ZNF853: variants seen among roughly 807,000 people sequenced by gnomAD.
ZNF853 encodes zinc finger protein 853.
A neutral mutation model predicts 94.7 loss-of-function variants in ZNF853; 57 were observed. The ratio of observed to expected loss-of-function variants is 0.60; its 90% CI spans 0.49 to 0.75. The LOEUF (loss-of-function observed/expected upper bound fraction) is 0.75, where lower values mean the gene tolerates loss of function less well. Ranked by LOEUF, ZNF853 falls within the 30% of genes least tolerant of loss-of-function variation. ZNF853 has a pLI of 0.00. For synonymous variants in ZNF853, 448 were observed against 406.3 expected (o/e 1.10, Z -1.23); for missense variants, 785 against 868.9 (o/e 0.90, Z 1.21).
chr7:6,621,848 TACA>T lies in ZNF853; in HGVS notation c.858_860del (p.Gln293del). 1 of 1,550,660 alleles carries T rather than the reference TACA, an allele frequency of 6.4e-7. No homozygotes were observed. The highest frequency in any genetic ancestry group is 8.7e-7 in the Non-Finnish European group (1 of 1,146,670). On this transcript the variant is annotated inframe_deletion, in exon 3 of 3. Coordinates refer to ENST00000457543, the MANE Select transcript of ZNF853 (RefSeq NM_017560.3). ...CTACTGCTGCAGCAGCAGGAACAGTTACAGCAGCAGCAGCAACAGCAGCTGTTG... is the reference window on the plus strand; with the variant it reads ...CTACTGCTGCAGCAGCAGGAACAGTTGCAGCAGCAGCAACAGCAGCTGTTG...
At position 6,622,900 on chromosome 7, in the gene ZNF853, G is replaced by GCGGCCCT. The variant is rs1375805501; in HGVS notation, c.1913_1919dup (p.Gly641ProfsTer41). The GCGGCCCT allele has an allele frequency of 8.0e-7, 1 of 1,254,600 alleles. No individual in the cohort carries two copies. Among genetic ancestry groups the GCGGCCCT allele is most frequent in the Non-Finnish European group, 1.0e-6 (1 of 1,000,514 alleles). The allele number at this position is 1,254,600 out of a possible 1,614,324, so 77.7% of individuals were successfully genotyped here. A position where few individuals can be genotyped will look rare whatever the true frequency, so the allele number is the denominator to read the frequency against. On this transcript the variant is annotated frameshift_variant, in exon 3 of 3. Coordinates refer to ENST00000457543, the MANE Select transcript of ZNF853 (RefSeq NM_017560.3). LOFTEE classifies it high-confidence loss of function. ...CGGCCTGCTGCGCGCCTCGCGGCCG[G>GCGGCCCT]CGGCCCTCGGTGGCCCAGCCCGCGC...
chr7:6,620,632 T>A lies in ZNF853; in HGVS notation c.131-490T>A. Among the ~76,000 whole-genome samples, 4 of 151,924 alleles carry A rather than the reference T, an allele frequency of 2.6e-5. No individual in the cohort carries two copies. In the East Asian group the frequency reaches 7.7e-4, roughly 29 times the overall value. On this transcript the variant is annotated intron_variant, in intron 2 of 2. Coordinates refer to ENST00000457543, the MANE Select transcript of ZNF853 (RefSeq NM_017560.3). ...TTCTCTCTCTCTCTTTCTCTCTCTC[T>A]CTCTTTTGAGATGGACTCTCCCTCT...
chr7:6,616,155 A>G lies in ZNF853; in HGVS notation c.-20A>G, dbSNP rs1232106090. ...TGCTGACCACACCTCCCTAGCGCAG[A>G]GGCTGCCCGGGAGCAGGAAATGCTC... On this transcript the variant is annotated 5_prime_UTR_variant, in exon 1 of 3. Transcript: ENST00000457543. 3.2e-6 allele frequency: 5 copies of G among 1,547,306 alleles called. 1 individual carries two copies. Among genetic ancestry groups the G allele is most frequent in the Middle Eastern group, 3.3e-4 (2 of 5,986 alleles).
chr7:6,620,407 G>A lies in ZNF853; in HGVS notation c.131-715G>A. Among the ~76,000 whole-genome samples the A allele has an allele frequency of 7.2e-5, 11 of 152,236 alleles. No individual in the cohort carries two copies. In the South Asian group the frequency reaches 2.1e-3, roughly 29 times the overall value. On this transcript the variant is annotated intron_variant, in intron 2 of 2. Coordinates refer to ENST00000457543, the MANE Select transcript of ZNF853 (RefSeq NM_017560.3). Reference sequence around the variant, plus strand: ...GGTTTCTACTGGAGGGTGATTAAGCGCAAGAGACTTCTCAGGATGGTCAGG... The same window carrying A: ...GGTTTCTACTGGAGGGTGATTAAGCACAAGAGACTTCTCAGGATGGTCAGG...
Position 6,617,300 on chromosome 7 carries a change from C to A in ZNF853, c.123C>A (p.Thr41=). 6.7e-7 allele frequency: 1 copy of A among 1,482,576 alleles called. No individual in the cohort carries two copies. 91.8% of individuals were successfully genotyped at this position (1,482,576 alleles called of 1,614,324 possible). ...AGGATGGGGGCCCAGGGCCTGACAC[C>A]CTCTCAGGTGAGGGCCTCGGGGGAT... ...CLEDGGPGPD[T]LSGGSGGSES... is the part of the protein sequence containing the mutation. Residue 41 remains threonine, a synonymous_variant, in exon 2 of 3, where the codon ACC becomes ACA. Transcript: ENST00000457543.
chr7:6,616,008 G>C lies in ZNF853; in HGVS notation c.-167G>C. 1 of 600,796 alleles carries C rather than the reference G, an allele frequency of 1.7e-6. No homozygotes were observed. 37.2% of individuals were successfully genotyped at this position (600,796 alleles called of 1,614,324 possible). A position where few individuals can be genotyped will look rare whatever the true frequency, so the allele number is the denominator to read the frequency against. On this transcript the variant is annotated 5_prime_UTR_variant, in exon 1 of 3. Transcript: ENST00000457543. ...CAGGGCGACCTCGGCAGCCCAGAGG[G>C]CGTGGACCCTCCGGAGTGCCCAGAA...
chr7:6,622,293 G>A lies in ZNF853; in HGVS notation c.1302G>A (p.Val434=). 1 of 1,506,602 alleles carries A rather than the reference G, an allele frequency of 6.6e-7. No individual in the cohort carries two copies. Among genetic ancestry groups the A allele is most frequent in the Non-Finnish European group, 8.8e-7 (1 of 1,134,070 alleles). The allele number at this position is 1,506,602 out of a possible 1,614,324, so 93.3% of individuals were successfully genotyped here. ...TCCCGGGGGCTCCGGCCGCGGTCGT[G>A]GTGGCTCCCCCGGGCTACGTGGTGG... The part of the protein sequence containing the change: ...AAVPGAPAAV[V]VAPPGYVVVQ... Residue 434 remains valine (V), a synonymous_variant, in exon 3 of 3, where the codon GTG becomes GTA. Coordinates refer to ENST00000457543, the MANE Select transcript of ZNF853 (RefSeq NM_017560.3).
chr7:6,617,441 C>G, intron 2 of ZNF853, 134 bp downstream of exon 2: 29 of 931,146 alleles, frequency 3.1e-5, no homozygotes, highest in Non-Finnish European at 4.1e-5. Context: ...ACCAGCAGCT[C>G]TCCCTTGAGA....
intron 2 of ZNF853, among the ~76,000 whole-genome samples, chr7:6,620,339 A>G: frequency 6.6e-6 from 1 of 152,212 alleles, no homozygotes; most frequent in Non-Finnish European, 1.5e-5. Flanking sequence ...GTCGGAGTTC[A>G]GCATGGGGTT....
rs1583429319 is a variant in ZNF853 at position 6,621,492 on chromosome 7, A to G, written c.501A>G (p.Gln167=). The G allele has an allele frequency of 6.4e-7, 1 of 1,551,822 alleles. No homozygotes were observed. The highest frequency in any genetic ancestry group is 8.7e-7 in the Non-Finnish European group (1 of 1,147,008). Residue 167 remains glutamine, a synonymous_variant, in exon 3 of 3, where the codon CAA becomes CAG. Transcript: ENST00000457543. Reference sequence around the variant, plus strand: ...TACAGCCACAGCAAGTGCAAGAGCAACAGCGGTTGCAGCAGCAGCAGGAGC... The same window carrying G: ...TACAGCCACAGCAAGTGCAAGAGCAGCAGCGGTTGCAGCAGCAGCAGGAGC... ...QQLQPQQVQE[Q]QRLQQQQEQL...
Position 6,617,318 on chromosome 7 carries a change from C to G in ZNF853, c.130+11C>G. The G allele has an allele frequency of 6.9e-7, 1 of 1,441,566 alleles. No individual in the cohort carries two copies. Among genetic ancestry groups the G allele is most frequent in the Non-Finnish European group, 9.2e-7 (1 of 1,088,070 alleles). 89.3% of individuals were successfully genotyped at this position (1,441,566 alleles called of 1,614,324 possible). A position where few individuals can be genotyped will look rare whatever the true frequency, so the allele number is the denominator to read the frequency against. ...CTGACACCCTCTCAGGTGAGGGCCTCGGGGGATCCCTTGACAGAGCCTCAT... is the reference window on the plus strand; with the variant it reads ...CTGACACCCTCTCAGGTGAGGGCCTGGGGGGATCCCTTGACAGAGCCTCAT... On this transcript the variant is annotated intron_variant, in intron 2 of 2. Coordinates refer to ENST00000457543, the MANE Select transcript of ZNF853 (RefSeq NM_017560.3).
intron 2 of ZNF853, among the ~76,000 whole-genome samples, chr7:6,618,948 G>C: frequency 0.031 from 4,755 of 151,744 alleles, 105 homozygotes; most frequent in Non-Finnish European, 0.049. Flanking sequence ...TGAAAAGCAC[G>C]CTCACGGATC....
At position 6,621,285 on chromosome 7, in the gene ZNF853, C is replaced by A. The variant is rs373232495; in HGVS notation, c.294C>A (p.Pro98=). ...ELQLQQLEQQ[P]EPQQQPQHEQ... ...AACTGCAGCAGTTAGAACAGCAGCC[C>A]GAGCCGCAGCAACAGCCGCAACACG... is the stretch of plus-strand genomic sequence containing the variant. The change falls in exon 3 of 3, where the codon CCC becomes CCA. Residue 98 remains proline (P), a synonymous_variant. Coordinates refer to ENST00000457543, the MANE Select transcript of ZNF853 (RefSeq NM_017560.3). 1 of 1,550,682 alleles carries A rather than the reference C, an allele frequency of 6.4e-7. No homozygotes were observed. Among genetic ancestry groups the A allele is most frequent in the South Asian group, 1.2e-5 (1 of 83,986 alleles).
Position 6,615,652 on chromosome 7 carries a change from CG to C in ZNF853, c.-520del, listed in dbSNP as rs1455889910. ...CGGCCCGCACGGACGCACTCCCGGG[CG>C]GGCGGGCGAGCCCAGGGGGACCCGG... On this transcript the variant is annotated 5_prime_UTR_variant, in exon 1 of 3. Coordinates refer to ENST00000457543, the MANE Select transcript of ZNF853 (RefSeq NM_017560.3). This position sits in a 1 kb window ranked among gnomAD's most constrained non-coding sequence, Gnocchi z 8.5. 7.7e-5 allele frequency: 11 copies of C among 143,328 alleles called. No homozygotes were observed. The highest frequency in any genetic ancestry group is 1.5e-4 in the Non-Finnish European group (10 of 64,972). The allele number at this position is 143,328 out of a possible 1,614,324, so 8.9% of individuals were successfully genotyped here.
chr7:6,617,760 G>C, intron 2 of ZNF853: 3 of 493,962 alleles, frequency 6.1e-6, no homozygotes, highest in Admixed American at 6.4e-5. Context: ...ACTTTAGCTT[G>C]ACCTCTGCTT....
Position 6,616,071 on chromosome 7 carries a change from G to A in ZNF853, c.-104G>A. The A allele has an allele frequency of 8.2e-7, 1 of 1,220,262 alleles. No individual in the cohort carries two copies. The highest frequency in any genetic ancestry group is 1.4e-5 in the South Asian group (1 of 72,946). The allele number at this position is 1,220,262 out of a possible 1,614,324, so 75.6% of individuals were successfully genotyped here. ...GGCCCTGCGCCTCCTGGCTCTTTCT[G>A]GATGGAGGCGCCTCCGGAAGGAGCC... On this transcript the variant is annotated 5_prime_UTR_variant, in exon 1 of 3. Coordinates refer to ENST00000457543, the MANE Select transcript of ZNF853 (RefSeq NM_017560.3).
rs368198120 is a variant in ZNF853 at position 6,617,252 on chromosome 7, C to G, written c.75C>G (p.Phe25Leu). 8 of 1,529,950 alleles carry G rather than the reference C, an allele frequency of 5.2e-6. No individual in the cohort carries two copies. Among genetic ancestry groups the G allele is most frequent in the Non-Finnish European group, 6.2e-6 (7 of 1,135,930 alleles). The allele number at this position is 1,529,950 out of a possible 1,614,324, so 94.8% of individuals were successfully genotyped here. A position where few individuals can be genotyped will look rare whatever the true frequency, so the allele number is the denominator to read the frequency against. ...AAGTGGGGCCAGCCACCGAGACCTT[C>G]GTGCTGGAACTTCAATGTCTTGAGG... ...RMEVGPATET[F>L]VLELQCLEDG... The change falls in exon 2 of 3, where the codon TTC becomes TTG. Residue 25 changes from phenylalanine (F) to leucine (L), a missense_variant. Transcript: ENST00000457543.
In ZNF853 at chr7:6,622,556, T is replaced by G; in HGVS notation, c.1565T>G (p.Phe522Cys). 1 of 1,558,324 alleles carries G rather than the reference T, an allele frequency of 6.4e-7. No homozygotes were observed. The highest frequency in any genetic ancestry group is 1.2e-5 in the South Asian group (1 of 84,914). Residue 522 changes from phenylalanine (F) to cysteine (C), a missense_variant, in exon 3 of 3, where the codon TTC (phenylalanine) becomes TGC (cysteine). Transcript: ENST00000457543. ...CGCTGCGGCGAGTGCGGCAAGGGCT[T>G]CTCGCAGCACTCGAATCTGGTGACG... ...PHRCGECGKG[F>C]SQHSNLVTHQ...
rs1408354681 is a variant in ZNF853 at position 6,624,262 on chromosome 7, G to A, written c.*1291G>A. The A allele has an allele frequency of 2.0e-5, 3 of 152,136 alleles. No homozygotes were observed. Among genetic ancestry groups the A allele is most frequent in the African/African-American group, 7.2e-5 (3 of 41,418 alleles). The allele number at this position is 152,136 out of a possible 1,614,324, so 9.4% of individuals were successfully genotyped here. A position where few individuals can be genotyped will look rare whatever the true frequency, so the allele number is the denominator to read the frequency against. Reference sequence around the variant, plus strand: ...GTGTTGGTAAGTGAGAAACAGAAACGAAAAATAAATTAAAATGCAGAAATA... The same window carrying A: ...GTGTTGGTAAGTGAGAAACAGAAACAAAAAATAAATTAAAATGCAGAAATA... On this transcript the variant is annotated 3_prime_UTR_variant, in exon 3 of 3. Transcript: ENST00000457543.
Sources: allele counts gnomAD v4.1 joint callset (sites outside exome capture counted in the v4.1 genomes callset), GRCh38; gene constraint gnomAD v4.1.1; non-coding constraint Gnocchi (gnomAD v3.1); transcripts MANE v1.5; gene names NCBI Gene and HGNC (gene_info 2026-07-23, HGNC 2026-07-21).